The following UPRT variants were observed in gnomAD, a reference collection of about 807,000 sequenced individuals.
UPRT encodes the protein RP11-311P8.3.
A neutral mutation model predicts 22.6 loss-of-function variants in UPRT; 5 were observed. The observed-to-expected ratio is 0.22, with a 90% CI of 0.12 to 0.47. The LOEUF (loss-of-function observed/expected upper bound fraction) is 0.47, where lower values mean the gene tolerates loss of function less well. Ranked by LOEUF, UPRT falls within the 20% of genes least tolerant of loss-of-function variation. The pLI, the probability that UPRT is intolerant of heterozygous loss-of-function variation, is 0.99. For missense variants in UPRT, 181 were observed against 239.9 expected, an observed-to-expected ratio of 0.75 and a Z score of 1.62; for synonymous variants, 77 against 87.7, an observed-to-expected ratio of 0.88 and a Z score of 0.68.
At chrX:75,190,321 C>T (rs1039084863) in intron 4 of UPRT, among the ~76,000 whole-genome samples, 3 of 111,991 alleles carry the variant, frequency 2.7e-5, no homozygotes, top group Non-Finnish European at 3.8e-5. Context: ...TCTCTTCTGG[C>T]TTGTAGAGTT....
upstream of UPRT, chrX:75,273,964 G>A (rs2082620025): frequency 3.6e-6 from 1 of 276,432 alleles, no homozygotes; most frequent in Admixed American, 6.0e-5. Flanking sequence ...GCTACCTGTG[G>A]GAACCCACGT....
chrX:75,170,185 C>T (rs774257895), intron 4 of UPRT, among the ~76,000 whole-genome samples: 101 of 109,961 alleles, frequency 9.2e-4, no homozygotes, highest in Middle Eastern at 4.8e-3. Flanking sequence ...TATAGGTGCA[C>T]GCCACCACGC....
In UPRT at chrX:75,296,332, G is replaced by C; in HGVS notation, c.430-10G>C. 8.3e-7 allele frequency: 1 copy of C among 1,206,269 alleles called. No individual in the cohort carries two copies. Among genetic ancestry groups the C allele is most frequent in the East Asian group, 3.0e-5 (1 of 33,769 alleles). ...CAGGTTCTCAACTTCTTCTTCCTTT[G>C]ACTCTCTAGATCAGACTTGTTGTGG... is the stretch of plus-strand genomic sequence containing the variant. On this transcript the variant is annotated splice_polypyrimidine_tract_variant and intron_variant, in intron 2 of 6. Coordinates refer to ENST00000373383, the MANE Select transcript of UPRT (RefSeq NM_145052.4).
intron 4 of UPRT, among the ~76,000 whole-genome samples, chrX:75,210,308 G>A (rs1248562944): frequency 9.0e-6 from 1 of 111,538 alleles, no homozygotes; most frequent in Non-Finnish European, 1.9e-5. Context: ...CTGTCCTCCA[G>A]GGTGAGGGTG....
intron 4 of UPRT, among the ~76,000 whole-genome samples, chrX:75,191,680 G>T (rs960897810): frequency 8.9e-6 from 1 of 112,010 alleles, no homozygotes; most frequent in Non-Finnish European, 1.9e-5. Flanking sequence ...CCCTACCCTA[G>T]CCTCACTGCC....
chrX:75,230,794 C>A (rs1246384359), intron 4 of UPRT, among the ~76,000 whole-genome samples: 1 of 111,544 alleles, frequency 9.0e-6, no homozygotes, highest in African/African-American at 3.3e-5. Context: ...CAGACATACC[C>A]CATCACCAGC....
chrX:75,198,968 CAGA>C (rs1409798946), intron 4 of UPRT, among the ~76,000 whole-genome samples: 1 of 112,066 alleles, frequency 8.9e-6, no homozygotes, highest in Non-Finnish European at 1.9e-5. Flanking sequence ...AGCCTGTCCA[CAGA>C]AGAAGCATAT....
chrX:75,240,741 A>G (rs1247185033), intron 4 of UPRT, among the ~76,000 whole-genome samples: 1 of 111,963 alleles, frequency 8.9e-6, no homozygotes, highest in Non-Finnish European at 1.9e-5. Context: ...CACATAGACT[A>G]ATGCAGCATA....
chrX:75,243,373 G>A (rs2082494275), intron 4 of UPRT, among the ~76,000 whole-genome samples: 1 of 111,350 alleles, frequency 9.0e-6, no homozygotes, highest in South Asian at 3.7e-4. Flanking sequence ...AGAGTCAAAA[G>A]ACTAGGGTTC....
intron 4 of UPRT, among the ~76,000 whole-genome samples, chrX:75,254,424 G>T (rs1428243160): frequency 8.9e-6 from 1 of 112,139 alleles, no homozygotes; most frequent in Non-Finnish European, 1.9e-5. Context: ...AGAAGTAGAA[G>T]AAAGAAAGTC....
chrX:75,191,657 C>A (rs1319223484), intron 4 of UPRT, among the ~76,000 whole-genome samples: 1 of 112,219 alleles, frequency 8.9e-6, no homozygotes, highest in Non-Finnish European at 1.9e-5. Context: ...CAAGCCTCAG[C>A]AATGGTGGGT....
At chrX:75,205,485 T>C (rs907388108) in intron 4 of UPRT, among the ~76,000 whole-genome samples, 4 of 110,723 alleles carry the variant, frequency 3.6e-5, no homozygotes, top group Non-Finnish European at 5.7e-5. Context: ...TCTGGAACTC[T>C]TGTTAAGCAC....
chrX:75,191,664 G>A (rs1404005756), intron 4 of UPRT, among the ~76,000 whole-genome samples: 1 of 112,112 alleles, frequency 8.9e-6, no homozygotes, highest in Non-Finnish European at 1.9e-5. Flanking sequence ...CAGCAATGGT[G>A]GGTGCCCCTA....
At chrX:75,302,606 T>A (rs1402728564) in intron 6 of UPRT, among the ~76,000 whole-genome samples, 2 of 111,880 alleles carry the variant, frequency 1.8e-5, no homozygotes, top group African/African-American at 6.5e-5. Flanking sequence ...TCCAAAAATA[T>A]GATTTAACAG....
At chrX:75,213,099 T>G (rs1325160680) in intron 4 of UPRT, among the ~76,000 whole-genome samples, 4 of 112,434 alleles carry the variant, frequency 3.6e-5, no homozygotes, top group African/African-American at 1.3e-4. Flanking sequence ...GTGAATGGGA[T>G]TAAGCAGGTG....
intron 1 of UPRT, among the ~76,000 whole-genome samples, chrX:75,160,508 C>G (rs1016691952): frequency 1.8e-5 from 2 of 111,519 alleles, no homozygotes; most frequent in African/African-American, 6.5e-5. Context: ...ATAATAGCAA[C>G]TTTTTCTGTC....
At chrX:75,191,205 C>T (rs2082313786) in intron 4 of UPRT, among the ~76,000 whole-genome samples, 1 of 112,209 alleles carries the variant, frequency 8.9e-6, no homozygotes, top group Non-Finnish European at 1.9e-5. Context: ...CAATCAGGAC[C>T]CTTAGCTGCA....
At chrX:75,268,034 G>C (rs1269278373) in intron 4 of UPRT, among the ~76,000 whole-genome samples, 1 of 111,268 alleles carries the variant, frequency 9.0e-6, no homozygotes, top group Non-Finnish European at 1.9e-5. Context: ...GAAGAAAAGA[G>C]AGAAGAATAA....
chrX:75,268,433 C>CA (rs776798240), intron 4 of UPRT, among the ~76,000 whole-genome samples: 14 of 110,952 alleles, frequency 1.3e-4, no homozygotes, highest in Non-Finnish European at 2.5e-4. Flanking sequence ...CCTGGTACCA[C>CA]AACCTGGCAG....
Sources: gnomAD v4.1 joint callset for allele counts (sites outside exome capture counted in the v4.1 genomes callset) on GRCh38, gnomAD v4.1.1 for gene constraint, MANE v1.5 for transcripts, NCBI Gene and HGNC (gene_info 2026-07-23, HGNC 2026-07-21) for gene names.